PPARGC1A: variants seen among roughly 807,000 people sequenced by gnomAD.
PPARGC1A encodes the protein peroxisome proliferator-activated receptor gamma coactivator 1-alpha.
A neutral mutation model predicts 88.7 loss-of-function variants in PPARGC1A; 25 were observed. The ratio of observed to expected loss-of-function variants is 0.28; its 90% confidence interval spans 0.21 to 0.39. The LOEUF is 0.39. Ranked by LOEUF, PPARGC1A falls within the 10% of genes least tolerant of loss-of-function variation. The pLI is 1.00. For synonymous variants in PPARGC1A, 363 were observed against 355.6 expected, an observed-to-expected ratio of 1.02 and a Z score of -0.24; for missense variants, 880 against 968.7, an observed-to-expected ratio of 0.91 and a Z score of 1.22.
the PPARGC1A span, among the ~76,000 whole-genome samples, chr4:23,935,534 A>G: frequency 6.6e-6 from 1 of 152,316 alleles, no homozygotes; most frequent in South Asian, 2.1e-4. Context: ...TCCAAGGGAT[A>G]CTACTTACAT....
the PPARGC1A span, among the ~76,000 whole-genome samples, chr4:24,467,142 AG>A: frequency 6.6e-6 from 1 of 151,724 alleles, no homozygotes; most frequent in Non-Finnish European, 1.5e-5. Flanking sequence ...AAGGAAGGAA[AG>A]AAAAGCGAAC....
the PPARGC1A span, among the ~76,000 whole-genome samples, chr4:24,316,519 T>G: frequency 6.6e-6 from 1 of 152,222 alleles, no homozygotes; most frequent in Admixed American, 6.5e-5. Flanking sequence ...TAGATATTAA[T>G]ATAAGAATAA....
At chr4:23,986,353 A>C in the PPARGC1A span, among the ~76,000 whole-genome samples, 1 of 152,110 alleles carries the variant, frequency 6.6e-6, no homozygotes, top group East Asian at 1.9e-4. Flanking sequence ...TTAAATGTTT[A>C]ACATTTTGAC....
At chr4:24,345,947 A>G in the PPARGC1A span, among the ~76,000 whole-genome samples, 1 of 152,142 alleles carries the variant, frequency 6.6e-6, no homozygotes, top group Non-Finnish European at 1.5e-5. Context: ...ACATTAAGGT[A>G]TATGCCTTGT....
chr4:24,230,489 G>A, the PPARGC1A span, among the ~76,000 whole-genome samples: 2 of 152,112 alleles, frequency 1.3e-5, no homozygotes, highest in African/African-American at 4.8e-5. Context: ...ACTTTTCGCT[G>A]GTTCCTGATG....
chr4:24,067,320 C>T, the PPARGC1A span, among the ~76,000 whole-genome samples: 7 of 152,116 alleles, frequency 4.6e-5, no homozygotes, highest in Non-Finnish European at 4.4e-5. Flanking sequence ...ATGCTATAGT[C>T]ATTCTGAAAT....
At chr4:23,961,689 C>T in the PPARGC1A span, among the ~76,000 whole-genome samples, 67 of 151,458 alleles carry the variant, frequency 4.4e-4, no homozygotes, top group African/African-American at 1.6e-3. Context: ...CCATGTTCTT[C>T]GCCTCCCACA....
the PPARGC1A span, among the ~76,000 whole-genome samples, chr4:24,149,062 C>G: frequency 6.6e-6 from 1 of 151,904 alleles, no homozygotes; most frequent in Non-Finnish European, 1.5e-5. Context: ...AAAATTATTA[C>G]TATACTTATT....
chr4:24,190,771 TC>T, the PPARGC1A span, among the ~76,000 whole-genome samples: 48 of 152,272 alleles, frequency 3.2e-4, no homozygotes, highest in African/African-American at 1.2e-3. Context: ...AGCTCATTCC[TC>T]TAGAAATAGA....
At chr4:24,002,705 T>C in the PPARGC1A span, among the ~76,000 whole-genome samples, 4 of 152,040 alleles carry the variant, frequency 2.6e-5, no homozygotes, top group African/African-American at 4.8e-5. Context: ...ACTTGGCAAG[T>C]TCTCCATGGG....
chr4:23,982,928 T>A, the PPARGC1A span, among the ~76,000 whole-genome samples: 1 of 152,184 alleles, frequency 6.6e-6, no homozygotes. Flanking sequence ...GCTCACCACC[T>A]GGTTTTATAA....
the PPARGC1A span, among the ~76,000 whole-genome samples, chr4:24,378,140 C>A: frequency 6.6e-6 from 1 of 152,010 alleles, no homozygotes; most frequent in Non-Finnish European, 1.5e-5. Context: ...AGTTTGAGAC[C>A]AGCCTGGCCA....
At chr4:24,461,939 C>T in the PPARGC1A span, among the ~76,000 whole-genome samples, 14 of 148,598 alleles carry the variant, frequency 9.4e-5, no homozygotes, top group East Asian at 5.8e-4. Flanking sequence ...ACCACAGCAC[C>T]GCTATCTCCT....
chr4:23,910,147 TTATA>T, the PPARGC1A span, among the ~76,000 whole-genome samples: 3 of 123,768 alleles, frequency 2.4e-5, no homozygotes, highest in South Asian at 2.3e-4. Flanking sequence ...TATATCTATA[TTATA>T]TATAATATAA....
chr4:24,271,313 AG>A, the PPARGC1A span, among the ~76,000 whole-genome samples: 7,241 of 152,164 alleles, frequency 0.048, 219 homozygotes, highest in Middle Eastern at 0.092. Flanking sequence ...TAGCGGACTG[AG>A]TTCCCTCTGC....
At chr4:24,215,553 T>C in the PPARGC1A span, among the ~76,000 whole-genome samples, 1 of 152,298 alleles carries the variant, frequency 6.6e-6, no homozygotes, top group East Asian at 1.9e-4. Context: ...GAGGTTTTGA[T>C]CTTTTTTTAA....
At chr4:23,920,282 G>T in the PPARGC1A span, among the ~76,000 whole-genome samples, 2 of 152,220 alleles carry the variant, frequency 1.3e-5, no homozygotes, top group Non-Finnish European at 2.9e-5. Context: ...GCCATGGCAG[G>T]TGATGAACTA....
At chr4:24,304,768 C>T in the PPARGC1A span, among the ~76,000 whole-genome samples, 53 of 152,014 alleles carry the variant, frequency 3.5e-4, no homozygotes, top group Non-Finnish European at 5.7e-4. Context: ...CTATCCCTGG[C>T]AAATGGAGAA....
chr4:24,295,909 T>A, the PPARGC1A span, among the ~76,000 whole-genome samples: 1 of 151,056 alleles, frequency 6.6e-6, no homozygotes, highest in Non-Finnish European at 1.5e-5. Context: ...CCTTTATAAC[T>A]CTAGCTCATT....
Sources: gnomAD v4.1 joint callset for allele counts (sites outside exome capture counted in the v4.1 genomes callset) on GRCh38, gnomAD v4.1.1 for gene constraint, MANE v1.5 for transcripts, NCBI Gene and HGNC (gene_info 2026-07-23, HGNC 2026-07-21) for gene names.